Variants in NHSL1 observed in about 807,000 individuals in gnomAD.
The protein encoded by NHSL1 is NHS-like protein 1.
In NHSL1, 48 loss-of-function variants were observed where a neutral mutation model predicts 95.0. The ratio of observed to expected loss-of-function variants is 0.51; its 90% CI spans 0.40 to 0.64. NHSL1 has a LOEUF of 0.64. NHSL1 is among the 30% of genes least tolerant of loss of function. The pLI is 0.00. For missense variants in NHSL1, 1,971 were observed against 2,077.7 expected (o/e 0.95, Z 1.00); for synonymous variants, 783 against 833.9 (o/e 0.94, Z 1.05).
At chr6:138,671,527 A>G (rs1457082077) in intron 1 of NHSL1, among the ~76,000 whole-genome samples, 2 of 152,060 alleles carry the variant, frequency 1.3e-5, no homozygotes, top group Non-Finnish European at 2.9e-5. Context: ...TAGGGGAGAC[A>G]GGCATCAGAA....
chr6:138,461,197 A>G (rs1056215919), intron 3 of NHSL1, among the ~76,000 whole-genome samples: 1 of 152,066 alleles, frequency 6.6e-6, no homozygotes, highest in Non-Finnish European at 1.5e-5. Context: ...TTGGATTTGG[A>G]CAAGTTTGAG....
At chr6:138,567,665 C>T (rs141099052) in intron 1 of NHSL1, among the ~76,000 whole-genome samples, 1 of 152,186 alleles carries the variant, frequency 6.6e-6, no homozygotes, top group African/African-American at 2.4e-5. Flanking sequence ...ATAGATCCAA[C>T]TCCCACACTC....
At chr6:138,690,760 T>C (rs1325359939) in intron 1 of NHSL1, among the ~76,000 whole-genome samples, 1 of 152,112 alleles carries the variant, frequency 6.6e-6, no homozygotes, top group Admixed American at 6.6e-5. Flanking sequence ...TCAAACAAAC[T>C]TGTGAAAAGT....
chr6:138,424,099 A>T lies in NHSL1; in HGVS notation c.4803T>A (p.Ser1601=). 7.2e-7 allele frequency: 1 copy of T among 1,388,926 alleles called. No homozygotes were observed. The highest frequency in any genetic ancestry group is 9.3e-7 in the Non-Finnish European group (1 of 1,072,598). 86.0% of individuals were successfully genotyped at this position (1,388,926 alleles called of 1,614,324 possible). Residue 1601 remains serine (S), a synonymous_variant, in exon 8 of 8, where the codon TCT becomes TCA. Coordinates refer to ENST00000343505, the MANE Select transcript of NHSL1 (RefSeq NM_001144060.2). The surrounding 1 kb of genome is among the most constrained non-coding windows in gnomAD (Gnocchi z 5.9). ...CTTGGCCCTAACTCTCCTCGCTCAG[A>T]GAACCGCCACACTGTGGGGAGGGCT... ...GREPSPQCGG[S]LSEES
intron 1 of NHSL1, among the ~76,000 whole-genome samples, chr6:138,515,934 C>T (rs1255297024): frequency 1.3e-5 from 2 of 152,190 alleles, no homozygotes; most frequent in East Asian, 1.9e-4. Flanking sequence ...AGGCGCACGC[C>T]GTCTCTCACA....
intron 3 of NHSL1, among the ~76,000 whole-genome samples, chr6:138,454,254 TTG>T (rs1777439312): frequency 6.6e-6 from 1 of 152,194 alleles, no homozygotes; most frequent in South Asian, 2.1e-4. Context: ...ATTATTCTCT[TTG>T]TGTTTTTCTT....
chr6:138,644,723 T>C (rs889303228), intron 1 of NHSL1, among the ~76,000 whole-genome samples: 3 of 152,100 alleles, frequency 2.0e-5, no homozygotes, highest in Non-Finnish European at 4.4e-5. Flanking sequence ...AGAAACAAAA[T>C]GAAGGAGACA....
intron 3 of NHSL1, chr6:138,464,357 G>A (rs1034569680): frequency 6.1e-5 from 31 of 505,064 alleles, no homozygotes; most frequent in Middle Eastern, 5.2e-4. Flanking sequence ...CATCTTGCAG[G>A]TGGTCGCCAT....
chr6:138,487,146 G>A (rs1452492614), intron 2 of NHSL1, among the ~76,000 whole-genome samples: 1 of 152,218 alleles, frequency 6.6e-6, no homozygotes, highest in Admixed American at 6.5e-5. Flanking sequence ...GGGTGGAGGA[G>A]TAGAGATGTC....
At chr6:138,677,743 G>A (rs971310126) in intron 1 of NHSL1, among the ~76,000 whole-genome samples, 3 of 152,104 alleles carry the variant, frequency 2.0e-5, no homozygotes, top group Non-Finnish European at 4.4e-5. Context: ...TTCTCAAACT[G>A]CTGCTTCTCA....
chr6:138,452,173 A>C (rs770977012), intron 3 of NHSL1, among the ~76,000 whole-genome samples: 1 of 152,210 alleles, frequency 6.6e-6, no homozygotes, highest in Non-Finnish European at 1.5e-5. Context: ...ATGAAACATA[A>C]GCCATGATTC....
At chr6:138,658,925 G>A (rs1420337025) in intron 1 of NHSL1, among the ~76,000 whole-genome samples, 3 of 151,952 alleles carry the variant, frequency 2.0e-5, no homozygotes, top group Non-Finnish European at 2.9e-5. Flanking sequence ...CCACAGCCTG[G>A]TAAAGTGACC....
chr6:138,439,205 T>C lies in NHSL1; in HGVS notation c.664+2778A>G, dbSNP rs551198167. On this transcript the variant is annotated intron_variant, in intron 5 of 7. Coordinates refer to ENST00000343505, the MANE Select transcript of NHSL1 (RefSeq NM_001144060.2). ...GGAAGTACCTCTCTGGTTAGATTTT[T>C]TTAAAAATCCAAAGCCGCTGGCAAC... Among the ~76,000 whole-genome samples, 5 of 152,340 alleles carry C rather than the reference T, an allele frequency of 3.3e-5. No homozygotes were observed. In the East Asian group the frequency reaches 9.6e-4, roughly 29 times the overall value.
At chr6:138,428,256 T>G (rs752832032) in intron 7 of NHSL1, among the ~76,000 whole-genome samples, 2 of 152,362 alleles carry the variant, frequency 1.3e-5, no homozygotes, top group African/African-American at 2.4e-5. Flanking sequence ...CATTCCATAC[T>G]AAATGAAATA....
At chr6:138,688,454 G>A (rs942357727) in intron 1 of NHSL1, among the ~76,000 whole-genome samples, 1 of 151,924 alleles carries the variant, frequency 6.6e-6, no homozygotes, top group Non-Finnish European at 1.5e-5. Flanking sequence ...GACCAGCCTG[G>A]TCAAGATGGT....
intron 1 of NHSL1, among the ~76,000 whole-genome samples, chr6:138,625,738 G>A (rs1434465423): frequency 6.6e-6 from 1 of 151,610 alleles, no homozygotes; most frequent in Non-Finnish European, 1.5e-5. Context: ...AAAACTCCGG[G>A]GCTCAAGATC....
At chr6:138,590,889 GT>G (rs1298382895) in intron 1 of NHSL1, among the ~76,000 whole-genome samples, 3 of 152,202 alleles carry the variant, frequency 2.0e-5, no homozygotes. Flanking sequence ...CAAAGCTTTA[GT>G]CTTTTCCTTT....
At chr6:138,692,923 G>A (rs1785703681), upstream of NHSL1, among the ~76,000 whole-genome samples, 1 of 150,518 alleles carries the variant, frequency 6.6e-6, no homozygotes, top group Non-Finnish European at 1.5e-5. The surrounding 1 kb of genome is among the most constrained non-coding windows in gnomAD (Gnocchi z 4.0). Context: ...CGGGCAGGAA[G>A]GACGGACGGA....
chr6:138,670,599 G>C (rs1785353191), intron 1 of NHSL1, among the ~76,000 whole-genome samples: 1 of 144,524 alleles, frequency 6.9e-6, no homozygotes, highest in Non-Finnish European at 1.5e-5. Flanking sequence ...CCGGGAGGCG[G>C]AGCTTGCAGT....
Sources: gnomAD v4.1 joint callset for allele counts (sites outside exome capture counted in the v4.1 genomes callset) on GRCh38, gnomAD v4.1.1 for gene constraint, Gnocchi (gnomAD v3.1) non-coding constraint, MANE v1.5 for transcripts, NCBI Gene and HGNC (gene_info 2026-07-23, HGNC 2026-07-21) for gene names.